Variants in LINGO2 observed in about 807,000 individuals in gnomAD.
The protein encoded by LINGO2 is leucine rich repeat and Ig domain containing 2, also known as leucine-rich repeat and immunoglobulin-like domain-containing nogo receptor-interacting protein 2.
Under a neutral mutation model 30.6 loss-of-function variants are expected in LINGO2, and 14 were observed. That is an observed-to-expected ratio of 0.46 (90% CI 0.30 to 0.72). LINGO2 has a LOEUF of 0.72. Among genes scored for constraint, LINGO2 ranks in the 30% least tolerant of loss-of-function variants. The pLI is 0.07. For synonymous variants in LINGO2, 317 were observed against 288.5 expected (o/e 1.10, Z -1.00); for missense variants, 729 against 751.7 (o/e 0.97, Z 0.35).
chr9:28,893,590 T>A, the LINGO2 span, among the ~76,000 whole-genome samples: 129,229 of 151,724 alleles, frequency 0.85, 55,197 homozygotes, highest in Non-Finnish European at 0.89. Context: ...TTTTTTTTTT[T>A]AATTTAAAAA....
At chr9:27,956,828 C>A (rs1358372541) in intron 5 of LINGO2, among the ~76,000 whole-genome samples, 1 of 152,110 alleles carries the variant, frequency 6.6e-6, no homozygotes, top group Non-Finnish European at 1.5e-5. Context: ...TATGGTGGCT[C>A]ACACGTGTAA....
intron 4 of LINGO2, among the ~76,000 whole-genome samples, chr9:28,131,534 A>G (rs1359805482): frequency 6.6e-6 from 1 of 152,216 alleles, no homozygotes; most frequent in Non-Finnish European, 1.5e-5. Flanking sequence ...CATGAATTGA[A>G]TATAATGGAG....
At chr9:29,146,171 CA>C in the LINGO2 span, among the ~76,000 whole-genome samples, 1 of 152,092 alleles carries the variant, frequency 6.6e-6, no homozygotes, top group Admixed American at 6.6e-5. Context: ...TCCTGGCCAA[CA>C]TGGTGAAACC....
rs993526394 is a variant in LINGO2 at position 28,344,446 on chromosome 9, C to G, written c.-246+28390G>C. Among the ~76,000 whole-genome samples the G allele has an allele frequency of 5.3e-5, 8 of 151,916 alleles. No homozygotes were observed. The East Asian group carries it at 1.6e-3, about 29-fold the overall frequency. Reference sequence around the variant, plus strand: ...ACAGTAACTGTATATAACTGTAAAACAGTATAAAATCATGTTTGTGAAAAT... The same window carrying G: ...ACAGTAACTGTATATAACTGTAAAAGAGTATAAAATCATGTTTGTGAAAAT... On this transcript the variant is annotated intron_variant, in intron 3 of 5. Transcript: ENST00000379992.
rs567006824 is a variant in LINGO2 at position 28,390,933 on chromosome 9, G to A, written c.-278-18065C>T. 1.6e-3 allele frequency among the ~76,000 whole-genome samples: 238 copies of A among 151,982 alleles called. 1 individual carries two copies. Among genetic ancestry groups the A allele is most frequent in the Non-Finnish European group, 2.5e-3 (170 of 67,982 alleles). On this transcript the variant is annotated intron_variant, in intron 2 of 5. Coordinates refer to ENST00000379992, the Ensembl canonical transcript of LINGO2. ...CTTAGTAGCATTAGTGAAAAAAAAA[G>A]TCTGATATACTTGACAAGTCAGAAC... is the stretch of plus-strand genomic sequence containing the variant.
chr9:28,418,661 C>T (rs1013206177), intron 2 of LINGO2, among the ~76,000 whole-genome samples: 8 of 151,868 alleles, frequency 5.3e-5, no homozygotes, highest in African/African-American at 1.7e-4. Context: ...AAGTAAATGG[C>T]AAGATTAAAA....
chr9:28,860,677 CATATAT>C, the LINGO2 span, among the ~76,000 whole-genome samples: 1 of 147,094 alleles, frequency 6.8e-6, no homozygotes, highest in African/African-American at 2.5e-5. Flanking sequence ...ATATATATTT[CATATAT>C]ATATATATAT....
At chr9:28,527,382 A>G (rs1333151993) in intron 1 of LINGO2, among the ~76,000 whole-genome samples, 1 of 152,140 alleles carries the variant, frequency 6.6e-6, no homozygotes, top group East Asian at 1.9e-4. Context: ...ATTCTTTGAG[A>G]TTCAGGGGAT....
intron 4 of LINGO2, among the ~76,000 whole-genome samples, chr9:28,019,859 C>T (rs1204884870): frequency 6.6e-6 from 1 of 152,120 alleles, no homozygotes; most frequent in African/African-American, 2.4e-5. Context: ...TTCCCCTTGC[C>T]TCCTGGACTC....
intron 4 of LINGO2, among the ~76,000 whole-genome samples, chr9:28,169,527 G>A (rs559837567): frequency 3.3e-5 from 5 of 152,212 alleles, no homozygotes; most frequent in African/African-American, 4.8e-5. Context: ...ATTCACTAAC[G>A]TATCCATTCA....
the LINGO2 span, among the ~76,000 whole-genome samples, chr9:28,738,136 C>A: frequency 6.6e-6 from 1 of 152,032 alleles, no homozygotes. Context: ...CCAGAGAGGA[C>A]AAGAACACAA....
At chr9:28,618,534 T>G (rs1826241195) in intron 1 of LINGO2, among the ~76,000 whole-genome samples, 1 of 152,164 alleles carries the variant, frequency 6.6e-6, no homozygotes. Context: ...CTTATAACTC[T>G]CTAGTGATTC....
At chr9:29,099,673 T>C in the LINGO2 span, among the ~76,000 whole-genome samples, 1 of 152,092 alleles carries the variant, frequency 6.6e-6, no homozygotes, top group Non-Finnish European at 1.5e-5. Flanking sequence ...CAAATCAAAC[T>C]AAAATGAGAT....
chr9:28,557,222 G>A (rs1822762495), intron 1 of LINGO2, among the ~76,000 whole-genome samples: 1 of 151,786 alleles, frequency 6.6e-6, no homozygotes. Context: ...CTACAAAATG[G>A]GAGAAAATTT....
intron 1 of LINGO2, among the ~76,000 whole-genome samples, chr9:28,476,839 A>C (rs1825749683): frequency 6.6e-6 from 1 of 152,352 alleles, no homozygotes; most frequent in South Asian, 2.1e-4. Context: ...CAAGTCAAAA[A>C]CAGTAATGAT....
chr9:28,259,284 G>A (rs1163637353), intron 4 of LINGO2, among the ~76,000 whole-genome samples: 3 of 151,970 alleles, frequency 2.0e-5, no homozygotes, highest in African/African-American at 4.8e-5. Context: ...GAATTAACCT[G>A]CTTAAATGAA....
chr9:28,769,225 T>C, the LINGO2 span, among the ~76,000 whole-genome samples: 2 of 151,536 alleles, frequency 1.3e-5, no homozygotes, highest in African/African-American at 2.4e-5. Context: ...GGCAAGTATA[T>C]ATTAGTGTTC....
intron 4 of LINGO2, among the ~76,000 whole-genome samples, chr9:28,097,138 C>T (rs1470153100): frequency 6.6e-6 from 1 of 152,000 alleles, no homozygotes; most frequent in South Asian, 2.1e-4. Flanking sequence ...CAATGAGATA[C>T]CATCTCACAC....
In LINGO2 at chr9:28,290,093, T is replaced by C. The variant is rs201438382; in HGVS notation, c.-87+5115A>G. Among the ~76,000 whole-genome samples, 12 of 152,294 alleles carry C rather than the reference T, an allele frequency of 7.9e-5. No homozygotes were observed. The East Asian group carries it at 2.3e-3, about 29-fold the overall frequency. On this transcript the variant is annotated intron_variant, in intron 4 of 5. Coordinates refer to ENST00000379992, the Ensembl canonical transcript of LINGO2. ...TTAACTCTCCATCATTCTTCTGCAT[T>C]ACATCTTTTTTTAAGTGAGGGAACC...
Sources: gnomAD v4.1 joint callset for allele counts (sites outside exome capture counted in the v4.1 genomes callset) on GRCh38, gnomAD v4.1.1 for gene constraint, MANE v1.5 for transcripts, NCBI Gene and HGNC (gene_info 2026-07-23, HGNC 2026-07-21) for gene names.